Variants in KCNC3 observed in about 807,000 individuals in gnomAD.
KCNC3 encodes voltage-gated potassium channel KCNC3.
In KCNC3, 22 loss-of-function variants were observed where a neutral mutation model predicts 43.9. The observed-to-expected ratio is 0.50, with a 90% CI of 0.36 to 0.72. KCNC3 has a LOEUF of 0.72. Ranked by LOEUF, KCNC3 falls within the 30% of genes least tolerant of loss-of-function variation. The pLI, the probability that KCNC3 is intolerant of heterozygous loss-of-function variation, is 0.00. For synonymous variants in KCNC3, 492 were observed against 488.0 expected (o/e 1.01, Z -0.11); for missense variants, 829 against 1,073.8 (o/e 0.77, Z 3.19).
rs767852045 is a variant in KCNC3, at chr19:50,323,770, C to T, written c.1183G>A (p.Glu395Lys). 4 of 1,614,184 alleles carry T rather than the reference C, an allele frequency of 2.5e-6. No homozygotes were observed. The highest frequency in any genetic ancestry group is 1.3e-5 in the African/African-American group (1 of 75,054). ...DCVAILPFYL[E>K]VGLSGLSSKA... ...GAGCTGAGGCCCGAGAGGCCCACCT[C>T]GAGATAGAAGGGCAGGATGGCCACA... is the stretch of plus-strand genomic sequence containing the variant. Residue 395 changes from glutamate (E) to lysine (K), a missense_variant, in exon 2 of 5, where the codon GAG (glutamate) becomes AAG (lysine). Transcript: ENST00000477616.
At chr19:50,331,442 C>G (rs73592163), upstream of KCNC3, among the ~76,000 whole-genome samples, 1 of 151,120 alleles carries the variant, frequency 6.6e-6, no homozygotes, top group South Asian at 2.1e-4. Flanking sequence ...TCTGCCCTTT[C>G]ATCTGAGTCT....
chr19:50,323,174 GC>G lies in KCNC3; in HGVS notation c.1778del (p.Gly593AlafsTer15). ...PPPHPHHGSG[G>X]ISPPPPITPP... Reference sequence around the variant, plus strand: ...GGGTGATGGGTGGCGGCGGGCTGATGCCCCCGCTGCCGTGGTGCGGGTGGGG... The same window carrying G: ...GGGTGATGGGTGGCGGCGGGCTGATGCCCCGCTGCCGTGGTGCGGGTGGGG... On this transcript the variant is annotated frameshift_variant, in exon 2 of 5. Transcript: ENST00000477616. LOFTEE classifies it high-confidence loss of function. 1 of 1,498,200 alleles carries G rather than the reference GC, an allele frequency of 6.7e-7. No homozygotes were observed. The highest frequency in any genetic ancestry group is 9.0e-7 in the Non-Finnish European group (1 of 1,112,920). The allele number at this position is 1,498,200 out of a possible 1,614,324, so 92.8% of individuals were successfully genotyped here.
rs1214854913 is a variant in KCNC3 at position 50,323,515 on chromosome 19, G to A, written c.1438C>T (p.Leu480=). Residue 480 remains leucine, a synonymous_variant, in exon 2 of 5, where the codon CTG becomes TTG. Coordinates refer to ENST00000477616, the MANE Select transcript of KCNC3 (RefSeq NM_004977.3). ...ERIGADPDDI[L]GSNHTYFKNI... ...TTGAAGTAGGTGTGGTTGGAGCCCA[G>A]GATGTCATCGGGGTCGGCGCCAATG... 6.2e-7 allele frequency: 1 copy of A among 1,614,250 alleles called. No individual in the cohort carries two copies. Among genetic ancestry groups the A allele is most frequent in the Admixed American group, 1.7e-5 (1 of 60,034 alleles).
Position 50,314,877 on chromosome 19 carries a change from G to C in KCNC3, c.*1238C>G, listed in dbSNP as rs2036926319. On this transcript the variant is annotated 3_prime_UTR_variant, in exon 5 of 5. Coordinates refer to ENST00000477616, the MANE Select transcript of KCNC3 (RefSeq NM_004977.3). ...CGCTAAAGGATGGAGGGCAGGGTCGGGGGAGCGCGGCGGGCGGCCCGGGGA... is the reference window on the plus strand; with the variant it reads ...CGCTAAAGGATGGAGGGCAGGGTCGCGGGAGCGCGGCGGGCGGCCCGGGGA... The C allele has an allele frequency of 3.2e-6, 1 of 309,302 alleles. No homozygotes were observed. The highest frequency in any genetic ancestry group is 4.8e-5 in the Admixed American group (1 of 20,694). 19.2% of individuals were successfully genotyped at this position (309,302 alleles called of 1,614,324 possible). A position where few individuals can be genotyped will look rare whatever the true frequency, so the allele number is the denominator to read the frequency against.
intron 4 of KCNC3, among the ~76,000 whole-genome samples, chr19:50,318,186 T>A (rs541079272): frequency 4.0e-5 from 6 of 151,866 alleles, no homozygotes; most frequent in South Asian, 2.1e-4. Context: ...TCTTCTTTTT[T>A]TTGAGAGGGA....
chr19:50,322,868 C>A, intron 2 of KCNC3, 107 bp downstream of exon 2: 1 of 1,199,674 alleles, frequency 8.3e-7, no homozygotes, highest in Non-Finnish European at 1.2e-6. Context: ...TTTTCTCCCT[C>A]ACCTCTTCGA....
chr19:50,329,023 C>T lies in KCNC3; in HGVS notation c.60G>A (p.Gln20=), dbSNP rs2037146389. The T allele has an allele frequency of 4.5e-6, 6 of 1,323,166 alleles. No homozygotes were observed. The Admixed American group carries it at 1.2e-4, about 26-fold the overall frequency. 82.0% of individuals were successfully genotyped at this position (1,323,166 alleles called of 1,614,324 possible). ...FRGRQGASKQ[Q]PAPPPQPPES... ...CGGGCGGCTGCGGCGGTGGCGCCGG[C>T]TGCTGCTTGCTGGCCCCCTGGCGCC... Residue 20 remains glutamine, a synonymous_variant, in exon 1 of 5, where the codon CAG becomes CAA. Coordinates refer to ENST00000477616, the MANE Select transcript of KCNC3 (RefSeq NM_004977.3).
At chr19:50,325,973 G>C (rs2037100277) in intron 1 of KCNC3, among the ~76,000 whole-genome samples, 1 of 152,256 alleles carries the variant, frequency 6.6e-6, no homozygotes. Context: ...ACGGCGTCGG[G>C]CTGGTTTAAC....
chr19:50,324,212 G>A lies in KCNC3; in HGVS notation c.871-130C>T, dbSNP rs1323223338. On this transcript the variant is annotated intron_variant, in intron 1 of 4. Coordinates refer to ENST00000477616, the MANE Select transcript of KCNC3 (RefSeq NM_004977.3). The surrounding 1 kb of genome is among the most constrained non-coding windows in gnomAD (Gnocchi z 4.1). ...CCCAAACTCTGGGCAAAATCCAGGT[G>A]TCTCAGCCCTGTGGCTCCATCACTT... The A allele has an allele frequency of 3.6e-6, 3 of 840,432 alleles. No individual in the cohort carries two copies. The highest frequency in any genetic ancestry group is 3.4e-5 in the African/African-American group (2 of 58,162). The allele number at this position is 840,432 out of a possible 1,614,324, so 52.1% of individuals were successfully genotyped here.
rs973174466 is a variant in KCNC3 at position 50,320,270 on chromosome 19, G to A, written c.2250C>T (p.Asn750=). Residue 750 remains asparagine (N), a synonymous_variant, in exon 4 of 5, where the codon AAC becomes AAT. Coordinates refer to ENST00000477616, the MANE Select transcript of KCNC3 (RefSeq NM_004977.3). Reference sequence around the variant, plus strand: ...ACTAGGGGGATATCCAGGCCGCGGCGTTGGCGTTGAGGTCGGGCAAGAAGC... The same window carrying A: ...ACTAGGGGGATATCCAGGCCGCGGCATTGGCGTTGAGGTCGGGCAAGAAGC... ...PPSFLPDLNA[N]AAAWISP is the part of the protein sequence containing the mutation. 17 of 1,075,786 alleles carry A rather than the reference G, an allele frequency of 1.6e-5. 1 individual carries two copies. The highest frequency in any genetic ancestry group is 2.7e-4 in the Middle Eastern group (1 of 3,640). 66.6% of individuals were successfully genotyped at this position (1,075,786 alleles called of 1,614,324 possible).
chr19:50,316,981 T>C (rs75616875), intron 4 of KCNC3, among the ~76,000 whole-genome samples: 3 of 151,724 alleles, frequency 2.0e-5, no homozygotes, highest in African/African-American at 7.3e-5. Flanking sequence ...TTTGGCATCA[T>C]AGGCAAGAGA....
At chr19:50,325,458 G>A (rs1017717850) in intron 1 of KCNC3, among the ~76,000 whole-genome samples, 1 of 151,550 alleles carries the variant, frequency 6.6e-6, no homozygotes, top group Non-Finnish European at 1.5e-5. Context: ...CCTCCACAGG[G>A]GTTGGGCTCT....
chr19:50,318,593 C>T (rs2036987167), intron 4 of KCNC3, among the ~76,000 whole-genome samples: 1 of 152,148 alleles, frequency 6.6e-6, no homozygotes, highest in Non-Finnish European at 1.5e-5. Context: ...CCAATTATTC[C>T]ACTCTGCTGT....
chr19:50,332,936 C>A (rs1461993761), upstream of KCNC3, among the ~76,000 whole-genome samples: 3 of 152,178 alleles, frequency 2.0e-5, no homozygotes, highest in Admixed American at 2.0e-4. The surrounding 1 kb of genome is among the most constrained non-coding windows in gnomAD (Gnocchi z 5.8). Flanking sequence ...TCCTCTGCCC[C>A]CATTCCCACC....
intron 1 of KCNC3, among the ~76,000 whole-genome samples, chr19:50,326,756 G>A (rs1265544565): frequency 6.6e-6 from 1 of 152,232 alleles, no homozygotes; most frequent in African/African-American, 2.4e-5. Flanking sequence ...CCCAGGGGGA[G>A]GGTAGTCATT....
intron 2 of KCNC3, 58 bp downstream of exon 2, chr19:50,322,917 C>G (rs973875064): frequency 6.6e-7 from 1 of 1,507,032 alleles, no homozygotes; most frequent in African/African-American, 1.4e-5. Flanking sequence ...CGGCAGCTAC[C>G]TCCCCAGTCC....
chr19:50,321,631 A>G (rs952114274), intron 2 of KCNC3, among the ~76,000 whole-genome samples: 4 of 152,092 alleles, frequency 2.6e-5, no homozygotes, highest in Non-Finnish European at 4.4e-5. Flanking sequence ...TTAGCTGGGC[A>G]CAGTGGCGGG....
In KCNC3 at chr19:50,313,489, A is replaced by G. The variant is rs1366572462; in HGVS notation, c.*2626T>C. 1 of 152,210 alleles carries G rather than the reference A, an allele frequency of 6.6e-6. No homozygotes were observed. The highest frequency in any genetic ancestry group is 2.4e-5 in the African/African-American group (1 of 41,442). 9.4% of individuals were successfully genotyped at this position (152,210 alleles called of 1,614,324 possible). A position where few individuals can be genotyped will look rare whatever the true frequency, so the allele number is the denominator to read the frequency against. On this transcript the variant is annotated 3_prime_UTR_variant, in exon 5 of 5. Coordinates refer to ENST00000477616, the MANE Select transcript of KCNC3 (RefSeq NM_004977.3). ...ACCTTAGCACACCACCAAAGGTACA[A>G]ATACAACCCTCTGGGAAACACTGGT...
upstream of KCNC3, among the ~76,000 whole-genome samples, chr19:50,332,313 G>A (rs371594815): frequency 3.3e-5 from 5 of 152,298 alleles, no homozygotes; most frequent in East Asian, 9.6e-4. The surrounding 1 kb of genome is among the most constrained non-coding windows in gnomAD (Gnocchi z 5.8). Context: ...AGCCAGGCAC[G>A]GTATCAAGTG....
Sources: allele counts gnomAD v4.1 joint callset (sites outside exome capture counted in the v4.1 genomes callset), GRCh38; gene constraint gnomAD v4.1.1; non-coding constraint Gnocchi (gnomAD v3.1); transcripts MANE v1.5; gene names NCBI Gene and HGNC (gene_info 2026-07-23, HGNC 2026-07-21).